The following TMC1 variants were observed in gnomAD, a reference collection of about 807,000 sequenced individuals.
The protein encoded by TMC1 is transmembrane channel like 1, also known as transmembrane channel-like protein 1.
TMC1 carries 84 observed loss-of-function variants against 105.8 expected under a neutral mutation model. The ratio of observed to expected loss-of-function variants is 0.79; its 90% confidence interval spans 0.67 to 0.95. The LOEUF is 0.95. TMC1 is among the 40% of genes least tolerant of loss of function. TMC1 has a pLI of 0.00. For synonymous variants in TMC1, 315 were observed against 311.5 expected (o/e 1.01, Z -0.12); for missense variants, 817 against 914.1 (o/e 0.89, Z 1.37).
At chr9:72,671,744 T>C (rs1358001950) in intron 5 of TMC1, among the ~76,000 whole-genome samples, 3 of 152,166 alleles carry the variant, frequency 2.0e-5, no homozygotes, top group Admixed American at 6.5e-5. Context: ...AGACTTTCAT[T>C]CTTTAAATAT....
rs192694687 is a variant in TMC1 at position 72,681,958 on chromosome 9, A to G, written c.17-6751A>G. 3.8e-4 allele frequency among the ~76,000 whole-genome samples: 58 copies of G among 152,262 alleles called. 1 individual carries two copies. Among genetic ancestry groups the G allele is most frequent in the Non-Finnish European group, 5.9e-5 (4 of 68,012 alleles). The stretch of plus-strand genomic sequence containing the variant: ...TTATTTTCTACTTCTGAGGGCCTAA[A>G]GAGTCTCAGAAAATGAGTGTAATCT... On this transcript the variant is annotated intron_variant, in intron 5 of 23. Transcript: ENST00000297784.
At chr9:72,688,074 G>A (rs1826405309) in intron 5 of TMC1, among the ~76,000 whole-genome samples, 1 of 152,010 alleles carries the variant, frequency 6.6e-6, no homozygotes, top group Non-Finnish European at 1.5e-5. Flanking sequence ...ATGGGGTGAG[G>A]AATAAACAGA....
At chr9:72,702,617 C>T (rs1053907981) in intron 8 of TMC1, among the ~76,000 whole-genome samples, 4 of 151,776 alleles carry the variant, frequency 2.6e-5, no homozygotes, top group African/African-American at 9.7e-5. Context: ...GAATTTGGGA[C>T]CTGGCAAGTC....
At position 72,544,787 on chromosome 9, in the gene TMC1, C is replaced by CTT. The variant is rs57958313; in HGVS notation, c.-428+22885_-428+22886dup. Among the ~76,000 whole-genome samples, 815 of 142,962 alleles carry CTT rather than the reference C, an allele frequency of 5.7e-3. 7 individuals are homozygous for CTT. Among genetic ancestry groups the CTT allele is most frequent in the Middle Eastern group, 0.014 (4 of 284 alleles). The allele number at this position is 142,962 out of a possible 152,430, so 93.8% of individuals were successfully genotyped here. A position where few individuals can be genotyped will look rare whatever the true frequency, so the allele number is the denominator to read the frequency against. On this transcript the variant is annotated intron_variant, in intron 1 of 23. Coordinates refer to ENST00000297784, the MANE Select transcript of TMC1 (RefSeq NM_138691.3). ...GAGCCAGCGCTCCCAGCCTTTTTAC[C>CTT]TTTTTTTTTTTTAATTTCAATAGGT... is the stretch of plus-strand genomic sequence containing the variant.
At chr9:72,757,183 G>T (rs898356980) in intron 12 of TMC1, among the ~76,000 whole-genome samples, 3 of 152,206 alleles carry the variant, frequency 2.0e-5, no homozygotes, top group Non-Finnish European at 4.4e-5. Context: ...GCTGGTATCA[G>T]TCATTAATTT....
At chr9:72,583,635 C>A (rs1194669972) in intron 2 of TMC1, among the ~76,000 whole-genome samples, 1 of 152,180 alleles carries the variant, frequency 6.6e-6, no homozygotes, top group Admixed American at 6.5e-5. Context: ...TTTTTCTGGA[C>A]AGTGAGAACC....
intron 2 of TMC1, among the ~76,000 whole-genome samples, chr9:72,592,641 G>A (rs375047571): frequency 6.6e-6 from 1 of 152,188 alleles, no homozygotes. Flanking sequence ...CCATGGTTAT[G>A]TATCTGTGGG....
intron 19 of TMC1, among the ~76,000 whole-genome samples, chr9:72,819,444 C>G (rs986886828): frequency 9.2e-5 from 14 of 152,104 alleles, no homozygotes; most frequent in South Asian, 4.1e-4. Flanking sequence ...TTTTGGCGTT[C>G]CCTCTCTCTT....
At chr9:72,672,358 C>T (rs1588024210) in intron 5 of TMC1, among the ~76,000 whole-genome samples, 1 of 151,490 alleles carries the variant, frequency 6.6e-6, no homozygotes, top group African/African-American at 2.4e-5. Context: ...TTCTAAATTC[C>T]TTATAAAATT....
At chr9:72,566,365 C>T (rs1309669411) in intron 1 of TMC1, among the ~76,000 whole-genome samples, 10 of 152,074 alleles carry the variant, frequency 6.6e-5, no homozygotes, top group South Asian at 4.1e-4. Flanking sequence ...CACTATCTGC[C>T]GTCAACTCTA....
At chr9:72,713,867 C>T (rs1295765397) in intron 8 of TMC1, among the ~76,000 whole-genome samples, 3 of 151,710 alleles carry the variant, frequency 2.0e-5, no homozygotes, top group Middle Eastern at 3.2e-3. Flanking sequence ...TTTAGGGTGT[C>T]GATTTTAGAT....
Position 72,648,654 on chromosome 9 carries a change from A to G in TMC1, c.6A>G (p.Ser2=). 1 of 1,613,322 alleles carries G rather than the reference A, an allele frequency of 6.2e-7. No homozygotes were observed. Among genetic ancestry groups the G allele is most frequent in the Non-Finnish European group, 8.5e-7 (1 of 1,179,350 alleles). ...TCTGACAGGACACCCCCAGGATGTC[A>G]CCCAAAAAAGGTATTTACAAAATCA... M[S]PKKVQIKVEE... is the part of the protein sequence containing the mutation. The change falls in exon 5 of 24, where the codon TCA becomes TCG. Residue 2 remains serine, a synonymous_variant. Transcript: ENST00000297784.
chr9:72,744,818 A>T (rs1470551889), intron 10 of TMC1, among the ~76,000 whole-genome samples: 1 of 152,220 alleles, frequency 6.6e-6, no homozygotes, highest in East Asian at 1.9e-4. Context: ...CCAATAGGCT[A>T]TAGCCAGTGA....
chr9:72,654,653 C>A (rs1276973284), intron 5 of TMC1, among the ~76,000 whole-genome samples: 1 of 152,000 alleles, frequency 6.6e-6, no homozygotes, highest in African/African-American at 2.4e-5. Context: ...TGTTTTCATG[C>A]ATTTTATTCT....
At chr9:72,833,958 A>G (rs908139532) in intron 23 of TMC1, among the ~76,000 whole-genome samples, 1 of 150,976 alleles carries the variant, frequency 6.6e-6, no homozygotes, top group Non-Finnish European at 1.5e-5. Flanking sequence ...GTACTCATCA[A>G]TGGACTTTTG....
chr9:72,744,430 A>G (rs1827453324), intron 10 of TMC1, among the ~76,000 whole-genome samples: 1 of 152,248 alleles, frequency 6.6e-6, no homozygotes, highest in Non-Finnish European at 1.5e-5. Context: ...GAATTTAGAT[A>G]CATCAAAAAA....
rs149854921 is a variant in TMC1 at position 72,610,427 on chromosome 9, G to A, written c.-305-5941G>A. Among the ~76,000 whole-genome samples, 697 of 152,170 alleles carry A rather than the reference G, an allele frequency of 4.6e-3. 7 individuals carry two copies. Among genetic ancestry groups the A allele is most frequent in the African/African-American group, 0.016 (659 of 41,512 alleles). Reference sequence around the variant, plus strand: ...CATTCCAAAGGCCTAAGAACCAAGCGAGCCAATGATGTAGTTCTAGTGTGA... The same window carrying A: ...CATTCCAAAGGCCTAAGAACCAAGCAAGCCAATGATGTAGTTCTAGTGTGA... On this transcript the variant is annotated intron_variant, in intron 2 of 23. Coordinates refer to ENST00000297784, the MANE Select transcript of TMC1 (RefSeq NM_138691.3).
At chr9:72,769,840 C>T (rs1327528149) in intron 12 of TMC1, among the ~76,000 whole-genome samples, 1 of 152,032 alleles carries the variant, frequency 6.6e-6, no homozygotes, top group Non-Finnish European at 1.5e-5. Flanking sequence ...TGGTGTTGTC[C>T]CATGAGGGTT....
chr9:72,570,233 G>GTGTT (rs1170269776), intron 1 of TMC1, among the ~76,000 whole-genome samples: 1 of 70,512 alleles, frequency 1.4e-5, no homozygotes, highest in African/African-American at 8.4e-5. Context: ...AAAGAGTAGT[G>GTGTT]TGTGTGTGTG....
Sources: gnomAD v4.1 joint callset for allele counts (sites outside exome capture counted in the v4.1 genomes callset) on GRCh38, gnomAD v4.1.1 for gene constraint, MANE v1.5 for transcripts, NCBI Gene and HGNC (gene_info 2026-07-23, HGNC 2026-07-21) for gene names.